The following ATP9B variants were observed in gnomAD, a reference collection of about 807,000 sequenced individuals.
ATP9B encodes probable phospholipid-transporting ATPase IIB.
Under a neutral mutation model 146.1 loss-of-function variants are expected in ATP9B, and 110 were observed. That is an observed-to-expected ratio of 0.75 (90% confidence interval 0.65 to 0.88). The LOEUF (loss-of-function observed/expected upper bound fraction) is 0.88, where lower values mean the gene tolerates loss of function less well. ATP9B is among the 40% of genes least tolerant of loss of function. ATP9B has a pLI of 0.00. For synonymous variants in ATP9B, 604 were observed against 569.7 expected (o/e 1.06, Z -0.86); for missense variants, 1,499 against 1,496.4 (o/e 1.00, Z -0.03).
At position 79,318,927 on chromosome 18, in the gene ATP9B, G is replaced by A. The variant is rs188768897; in HGVS notation, c.1774-10214G>A. 7.2e-5 allele frequency among the ~76,000 whole-genome samples: 11 copies of A among 152,312 alleles called. No individual in the cohort carries two copies. The East Asian group carries it at 1.2e-3, about 16-fold the overall frequency. On this transcript the variant is annotated intron_variant, in intron 15 of 29. Transcript: ENST00000426216. ...CTCTGCAGAACGAGGTGACCACTCT[G>A]GGTGGTGTGGTCTTCCTTTAACTCG...
At chr18:79,209,538 C>A in intron 10 of ATP9B, 1 of 427,248 alleles carries the variant, frequency 2.3e-6, no homozygotes, top group Non-Finnish European at 3.1e-6. Context: ...GTTTTCTCTC[C>A]TGACCTCAGT....
At chr18:79,255,712 C>T (rs891933807) in intron 12 of ATP9B, among the ~76,000 whole-genome samples, 1 of 152,178 alleles carries the variant, frequency 6.6e-6, no homozygotes, top group African/African-American at 2.4e-5. Flanking sequence ...GACCTTCTGA[C>T]GAATGGGGTC....
At chr18:79,187,116 G>A (rs2095314807) in intron 8 of ATP9B, among the ~76,000 whole-genome samples, 1 of 152,214 alleles carries the variant, frequency 6.6e-6, no homozygotes, top group Admixed American at 6.5e-5. Context: ...CATTCTGAGA[G>A]TAGCTTTGGA....
intron 14 of ATP9B, among the ~76,000 whole-genome samples, chr18:79,305,430 A>G (rs1322074236): frequency 6.6e-6 from 1 of 152,232 alleles, no homozygotes; most frequent in Admixed American, 6.5e-5. Flanking sequence ...AAACAAACAT[A>G]CGTACACAGC....
At chr18:79,154,361 T>C (rs967778895) in intron 6 of ATP9B, 143 bp from the exon 7 acceptor site, 5 of 603,090 alleles carry the variant, frequency 8.3e-6, no homozygotes, top group Non-Finnish European at 1.4e-5. Flanking sequence ...CAATTTTTTA[T>C]ATACAAATTG....
chr18:79,289,028 C>G (rs530901816), intron 13 of ATP9B, among the ~76,000 whole-genome samples: 2 of 152,160 alleles, frequency 1.3e-5, no homozygotes, highest in African/African-American at 4.8e-5. Context: ...CCCGACCTTT[C>G]TCTCTGGCTG....
In ATP9B at chr18:79,347,763, C is replaced by A; in HGVS notation, c.2683-7C>A. Reference sequence around the variant, plus strand: ...GTTTGAAAAGGCCCCGTGTGCTTTTCTCTCAGGAGGGTAAACAGGCCTCGC... The same window carrying A: ...GTTTGAAAAGGCCCCGTGTGCTTTTATCTCAGGAGGGTAAACAGGCCTCGC... On this transcript the variant is annotated splice_region_variant and splice_polypyrimidine_tract_variant and intron_variant, in intron 23 of 29. Transcript: ENST00000426216. The A allele has an allele frequency of 6.5e-7, 1 of 1,537,004 alleles. No homozygotes were observed. The highest frequency in any genetic ancestry group is 2.1e-5 in the Admixed American group (1 of 47,180).
intron 11 of ATP9B, among the ~76,000 whole-genome samples, chr18:79,248,080 C>T (rs1040606856): frequency 1.3e-5 from 2 of 152,194 alleles, no homozygotes; most frequent in African/African-American, 4.8e-5. Flanking sequence ...AGAAACCCTT[C>T]TTATTTCGCA....
chr18:79,073,486 G>T (rs947372228), intron 1 of ATP9B, among the ~76,000 whole-genome samples: 4 of 152,242 alleles, frequency 2.6e-5, no homozygotes, highest in Admixed American at 2.6e-4. Flanking sequence ...AAACCAGTCA[G>T]GCGTGGCGGC....
intron 6 of ATP9B, among the ~76,000 whole-genome samples, chr18:79,149,284 A>G (rs2094644429): frequency 6.6e-6 from 1 of 152,244 alleles, no homozygotes; most frequent in South Asian, 2.1e-4. Flanking sequence ...GCGTAGTTAC[A>G]TTAGTCAACA....
intron 2 of ATP9B, among the ~76,000 whole-genome samples, chr18:79,100,432 AG>A (rs1422181384): frequency 6.6e-6 from 1 of 152,166 alleles, no homozygotes; most frequent in Non-Finnish European, 1.5e-5. Flanking sequence ...ATGGACATTT[AG>A]GATTATTAAC....
chr18:79,251,255 G>A (rs983208086), intron 11 of ATP9B, among the ~76,000 whole-genome samples: 5 of 152,240 alleles, frequency 3.3e-5, no homozygotes, highest in African/African-American at 1.2e-4. Flanking sequence ...GTCTGTGTTG[G>A]TCATGGAACC....
intron 5 of ATP9B, among the ~76,000 whole-genome samples, chr18:79,130,404 T>G (rs2094357318): frequency 7.0e-6 from 1 of 143,084 alleles, no homozygotes. Flanking sequence ...TTATCCAGTT[T>G]GAGGAGCAGA....
intron 11 of ATP9B, among the ~76,000 whole-genome samples, chr18:79,230,522 G>A (rs1194422715): frequency 2.0e-5 from 3 of 152,144 alleles, no homozygotes; most frequent in Non-Finnish European, 4.4e-5. Context: ...CCAAGGAGGT[G>A]AAAGTCCTCT....
At chr18:79,365,964 C>G (rs758121736) in intron 26 of ATP9B, among the ~76,000 whole-genome samples, 3 of 152,264 alleles carry the variant, frequency 2.0e-5, no homozygotes, top group Non-Finnish European at 2.9e-5. Flanking sequence ...TCCTAGTGGA[C>G]ATGGCCAGCC....
intron 12 of ATP9B, among the ~76,000 whole-genome samples, chr18:79,268,063 C>A (rs958351675): frequency 2.0e-5 from 3 of 151,994 alleles, no homozygotes. Context: ...GTCTATATTC[C>A]TACTGGATTA....
Position 79,149,857 on chromosome 18 carries a change from C to T in ATP9B, c.727-4647C>T, listed in dbSNP as rs539374159. ...CAGCACTTTGGGAGGTCGAAGGGGA[C>T]GGATCACAAGGTCAAGAGATCAAGA... On this transcript the variant is annotated intron_variant, in intron 6 of 29. Coordinates refer to ENST00000426216, the MANE Select transcript of ATP9B (RefSeq NM_198531.5). Among the ~76,000 whole-genome samples, 5 of 152,002 alleles carry T rather than the reference C, an allele frequency of 3.3e-5. No individual in the cohort carries two copies. The East Asian group carries it at 5.8e-4, about 18-fold the overall frequency.
chr18:79,130,117 A>G (rs542246640), intron 5 of ATP9B, among the ~76,000 whole-genome samples: 1 of 152,336 alleles, frequency 6.6e-6, no homozygotes, highest in East Asian at 1.9e-4. Context: ...GAAGAAGGTA[A>G]TAGTAACTGC....
intron 11 of ATP9B, among the ~76,000 whole-genome samples, chr18:79,224,423 A>G (rs529352975): frequency 6.6e-6 from 1 of 152,088 alleles, no homozygotes; most frequent in Non-Finnish European, 1.5e-5. Flanking sequence ...GGGCATGTGG[A>G]TGGTGGTTAT....
Sources: gnomAD v4.1 joint callset for allele counts (sites outside exome capture counted in the v4.1 genomes callset) on GRCh38, gnomAD v4.1.1 for gene constraint, MANE v1.5 for transcripts, NCBI Gene and HGNC (gene_info 2026-07-23, HGNC 2026-07-21) for gene names.